Variants in NOSIP observed in about 807,000 individuals in gnomAD.
The protein encoded by NOSIP is nitric oxide synthase interacting protein, also known as nitric oxide synthase-interacting protein.
In NOSIP, 25 loss-of-function variants were observed where a neutral mutation model predicts 36.4. The observed-to-expected ratio is 0.69, with a 90% confidence interval of 0.50 to 0.96. The LOEUF (loss-of-function observed/expected upper bound fraction) is 0.96. NOSIP is among the 40% of genes least tolerant of loss of function. The pLI, the probability that NOSIP is intolerant of heterozygous loss-of-function variation, is 0.00. For synonymous variants in NOSIP, 187 were observed against 179.2 expected, an observed-to-expected ratio of 1.04 and a Z score of -0.35; for missense variants, 370 against 429.0, an observed-to-expected ratio of 0.86 and a Z score of 1.21.
intron 1 of NOSIP, among the ~76,000 whole-genome samples, chr19:49,578,739 C>A (rs923560733): frequency 6.6e-6 from 1 of 150,514 alleles, no homozygotes; most frequent in Admixed American, 6.6e-5. Flanking sequence ...CTCTGCCTCC[C>A]GGGTTCACGC....
At chr19:49,573,041 A>G (rs888008314) in intron 1 of NOSIP, among the ~76,000 whole-genome samples, 9 of 151,874 alleles carry the variant, frequency 5.9e-5, no homozygotes, top group Non-Finnish European at 8.8e-5. Flanking sequence ...ACTGAATATC[A>G]TAACACCTCA....
chr19:49,556,739 G>A lies in NOSIP; in HGVS notation c.538-3C>T, dbSNP rs1303380000. On this transcript the variant is annotated splice_polypyrimidine_tract_variant and splice_region_variant and intron_variant, in intron 6 of 8. Coordinates refer to ENST00000596358, the MANE Select transcript of NOSIP (RefSeq NM_001270960.2). ...ATGGGGCAGGTCACCGTGCGGGACTGCAAGGGGCAGAGAGAGGCGGGCTCA... is the reference window on the plus strand; with the variant it reads ...ATGGGGCAGGTCACCGTGCGGGACTACAAGGGGCAGAGAGAGGCGGGCTCA... 2 of 1,604,904 alleles carry A rather than the reference G, an allele frequency of 1.2e-6. No individual in the cohort carries two copies. Among genetic ancestry groups the A allele is most frequent in the Admixed American group, 1.7e-5 (1 of 59,080 alleles).
Position 49,558,891 on chromosome 19 carries a change from C to T in NOSIP, c.258+6G>A, listed in dbSNP as rs1308222607. Reference sequence around the variant, plus strand: ...CCGTGTGCCGCCTCCTCCCCATCCCCATCACCTTCATCTGCCGGGCAATCT... The same window carrying T: ...CCGTGTGCCGCCTCCTCCCCATCCCTATCACCTTCATCTGCCGGGCAATCT... On this transcript the variant is annotated splice_donor_region_variant and intron_variant, in intron 4 of 8. Transcript: ENST00000596358. 1.2e-6 allele frequency: 2 copies of T among 1,612,920 alleles called. No individual in the cohort carries two copies. The highest frequency in any genetic ancestry group is 1.7e-6 in the Non-Finnish European group (2 of 1,179,014).
intron 1 of NOSIP, among the ~76,000 whole-genome samples, chr19:49,572,997 C>T (rs1372738111): frequency 3.3e-5 from 5 of 151,158 alleles, no homozygotes; most frequent in South Asian, 4.2e-4. Flanking sequence ...AAAAAAAGCC[C>T]GGCTCTGAAG....
intron 1 of NOSIP, among the ~76,000 whole-genome samples, chr19:49,573,857 A>ATTTTT (rs560191336): frequency 3.2e-4 from 41 of 129,432 alleles, no homozygotes; most frequent in African/African-American, 1.1e-3. Context: ...GGACTGAAGT[A>ATTTTT]TTTTTTTTTT....
intron 1 of NOSIP, among the ~76,000 whole-genome samples, chr19:49,569,184 G>A (rs1338312201): frequency 1.3e-5 from 2 of 148,408 alleles, no homozygotes; most frequent in East Asian, 2.1e-4. Flanking sequence ...GAAATCTACT[G>A]TGCATACAAT....
chr19:49,573,403 C>T (rs2080511317), intron 1 of NOSIP, among the ~76,000 whole-genome samples: 1 of 152,198 alleles, frequency 6.6e-6, no homozygotes, highest in Admixed American at 6.6e-5. Flanking sequence ...CCCTGAGCTA[C>T]CTCCGTTACA....
intron 3 of NOSIP, 99 bp from the exon 4 acceptor site, chr19:49,559,077 C>T: frequency 1.1e-6 from 1 of 914,490 alleles, no homozygotes; most frequent in South Asian, 1.3e-5. Flanking sequence ...ATGATCAGTC[C>T]CAAGTTCAAT....
chr19:49,557,869 G>A (rs775704908), intron 4 of NOSIP: 309 of 987,764 alleles, frequency 3.1e-4, no homozygotes, highest in Non-Finnish European at 3.4e-4. Context: ...AGGTAACAGT[G>A]ACAGTGATGG....
intron 1 of NOSIP, among the ~76,000 whole-genome samples, chr19:49,578,742 G>A (rs1183230208): frequency 6.6e-6 from 1 of 151,712 alleles, no homozygotes; most frequent in Non-Finnish European, 1.5e-5. Context: ...TGCCTCCCGG[G>A]TTCACGCAAT....
intron 1 of NOSIP, among the ~76,000 whole-genome samples, chr19:49,573,857 ATTTTTTTT>A (rs560191336): frequency 7.7e-6 from 1 of 129,442 alleles, no homozygotes; most frequent in African/African-American, 2.9e-5. Context: ...GGACTGAAGT[ATTTTTTTT>A]TTTTTTTTTT....
intron 4 of NOSIP, 155 bp from the exon 5 acceptor site, chr19:49,557,404 A>G (rs1599744464): frequency 1.4e-6 from 2 of 1,437,102 alleles, no homozygotes; most frequent in Non-Finnish European, 1.8e-6. Context: ...GTGGGTGTGA[A>G]CCTTACTGCG....
chr19:49,564,368 C>T (rs1026335058), intron 1 of NOSIP, among the ~76,000 whole-genome samples: 7 of 148,064 alleles, frequency 4.7e-5, no homozygotes, highest in East Asian at 4.1e-4. Flanking sequence ...GCATGAGAAT[C>T]GCTTGAACCT....
intron 4 of NOSIP, chr19:49,558,624 A>G: frequency 4.6e-6 from 2 of 435,902 alleles, no homozygotes; most frequent in South Asian, 3.3e-5. Context: ...CATAAGGGAA[A>G]GTGGGCATGT....
intron 1 of NOSIP, among the ~76,000 whole-genome samples, chr19:49,566,388 A>C (rs773926907): frequency 2.6e-5 from 4 of 152,264 alleles, no homozygotes; most frequent in Middle Eastern, 6.8e-3. Flanking sequence ...AGCTCGCTGC[A>C]GCCTCAAACT....
At chr19:49,566,499 C>T (rs1042713193) in intron 1 of NOSIP, among the ~76,000 whole-genome samples, 4 of 151,474 alleles carry the variant, frequency 2.6e-5, no homozygotes, top group East Asian at 2.0e-4. Context: ...CAGGGTCTTG[C>T]TATGTTGTCC....
intron 8 of NOSIP, 60 bp from the exon 9 acceptor site, chr19:49,555,882 CCAGGTGGTAGTGGGGATT>C (rs1254886885): frequency 7.8e-7 from 1 of 1,285,376 alleles, no homozygotes; most frequent in Admixed American, 1.7e-5. Flanking sequence ...CAGTGGGGCT[CCAGGTGGTAGTGGGGATT>C]CCTAAGCGGG....
chr19:49,557,511 T>A, intron 4 of NOSIP: 1 of 1,294,856 alleles, frequency 7.7e-7, no homozygotes, highest in Non-Finnish European at 1.0e-6. Context: ...TCTTCATCTG[T>A]AAAACAGCCT....
At chr19:49,575,927 T>G (rs548097426) in intron 1 of NOSIP, among the ~76,000 whole-genome samples, 3 of 152,176 alleles carry the variant, frequency 2.0e-5, no homozygotes, top group African/African-American at 7.2e-5. Flanking sequence ...GTCAGGAGAT[T>G]GAGACCATCC....
Sources: gnomAD v4.1 joint callset for allele counts (sites outside exome capture counted in the v4.1 genomes callset) on GRCh38, gnomAD v4.1.1 for gene constraint, MANE v1.5 for transcripts, NCBI Gene and HGNC (gene_info 2026-07-23, HGNC 2026-07-21) for gene names.